Variants in PCDHGA11 observed in about 807,000 individuals in gnomAD.
PCDHGA11 encodes protocadherin gamma-A11.
In PCDHGA11, 39 loss-of-function variants were observed where a neutral mutation model predicts 60.4. The observed-to-expected ratio is 0.65, with a 90% CI of 0.50 to 0.84. PCDHGA11 has a LOEUF of 0.84. Among genes scored for constraint, PCDHGA11 ranks in the 40% least tolerant of loss-of-function variants. The pLI is 0.00. For missense variants in PCDHGA11, 1,165 were observed against 1,197.7 expected (o/e 0.97, Z 0.40); for synonymous variants, 533 against 510.3 (o/e 1.04, Z -0.60).
rs1369501221 is a variant in PCDHGA11 at position 141,493,257 on chromosome 5, A to G, written c.2434-1550A>G. On this transcript the variant is annotated intron_variant, in intron 1 of 3. Coordinates refer to ENST00000398587, the MANE Select transcript of PCDHGA11 (RefSeq NM_018914.3). The surrounding 1 kb of genome is among the most constrained non-coding windows in gnomAD (Gnocchi z 4.3). ...GGCTAGGTACTAACATGCCTCTCTT[A>G]TAACAGCTTCACAGAGGTCAAGTGA... Among the ~76,000 whole-genome samples the G allele has an allele frequency of 6.6e-6, 1 of 152,190 alleles. No individual in the cohort carries two copies. Among genetic ancestry groups the G allele is most frequent in the South Asian group, 2.1e-4 (1 of 4,830 alleles).
chr5:141,500,184 T>TTTTATTTA (rs58019021), intron 2 of PCDHGA11, among the ~76,000 whole-genome samples: 1,392 of 135,954 alleles, frequency 0.01, 12 homozygotes, highest in South Asian at 0.02. Flanking sequence ...TCATTTTTAT[T>TTTTATTTA]TTTATTTATT....
chr5:141,469,296 A>T (rs2099196287), intron 1 of PCDHGA11, among the ~76,000 whole-genome samples: 1 of 149,742 alleles, frequency 6.7e-6, no homozygotes, highest in Non-Finnish European at 1.5e-5. Context: ...AACAAAATAG[A>T]CTGGGCACGA....
At chr5:141,501,997 C>A (rs2099812238) in intron 2 of PCDHGA11, among the ~76,000 whole-genome samples, 1 of 152,128 alleles carries the variant, frequency 6.6e-6, no homozygotes, top group Non-Finnish European at 1.5e-5. Context: ...GTCTCCCTGA[C>A]AACCCGCATG....
chr5:141,457,694 C>T (rs891323419), intron 1 of PCDHGA11, among the ~76,000 whole-genome samples: 4 of 152,214 alleles, frequency 2.6e-5, no homozygotes, highest in Non-Finnish European at 5.9e-5. Context: ...TTTGGATTGG[C>T]TTTGATGAAA....
intron 1 of PCDHGA11, chr5:141,424,079 C>A: frequency 3.1e-6 from 3 of 973,190 alleles, no homozygotes; most frequent in African/African-American, 1.8e-5. Context: ...TAGTTATATT[C>A]CACCATTATT....
chr5:141,432,692 G>A lies in PCDHGA11; in HGVS notation c.2433+9032G>A. The A allele has an allele frequency of 6.2e-7, 1 of 1,613,964 alleles. No homozygotes were observed. Among genetic ancestry groups the A allele is most frequent in the Non-Finnish European group, 8.5e-7 (1 of 1,179,978 alleles). On this transcript the variant is annotated intron_variant, in intron 1 of 3. Transcript: ENST00000398587. The surrounding 1 kb of genome is among the most constrained non-coding windows in gnomAD (Gnocchi z 6.0). ...CGCGCTCAAGCAGAGCCTCGTAGTG[G>A]CCGTCCAGGACCACGGCCAGCCCCC...
chr5:141,470,911 G>C (rs1208467445), intron 1 of PCDHGA11, among the ~76,000 whole-genome samples: 1 of 151,916 alleles, frequency 6.6e-6, no homozygotes, highest in African/African-American at 2.4e-5. Context: ...AGATGGGACT[G>C]TCCCTATGTT....
intron 1 of PCDHGA11, among the ~76,000 whole-genome samples, chr5:141,456,911 C>T (rs1262649726): frequency 2.0e-5 from 3 of 151,928 alleles, no homozygotes; most frequent in Non-Finnish European, 4.4e-5. Flanking sequence ...TGCAGTGAGC[C>T]GAGATCGCAC....
rs2099701571 is a variant in PCDHGA11, at chr5:141,490,550, A to G, written c.2434-4257A>G. On this transcript the variant is annotated intron_variant, in intron 1 of 3. Coordinates refer to ENST00000398587, the MANE Select transcript of PCDHGA11 (RefSeq NM_018914.3). This position sits in a 1 kb window ranked among gnomAD's most constrained non-coding sequence, Gnocchi z 5.4. ...GCTGGTTCACCTTCCCTACACAAACATCTCACCATCAGGCTCAACATTTCA... is the reference window on the plus strand; with the variant it reads ...GCTGGTTCACCTTCCCTACACAAACGTCTCACCATCAGGCTCAACATTTCA... 1 of 1,614,092 alleles carries G rather than the reference A, an allele frequency of 6.2e-7. No individual in the cohort carries two copies.
chr5:141,486,644 T>G lies in PCDHGA11; in HGVS notation c.2434-8163T>G, dbSNP rs765487821. ...AGACTCTGGCTTGAATGCGCTTATC[T>G]CCTACTCACTCCTGGAGCCCAGGAA... On this transcript the variant is annotated intron_variant, in intron 1 of 3. Transcript: ENST00000398587. This position sits in a 1 kb window ranked among gnomAD's most constrained non-coding sequence, Gnocchi z 5.0. 9.3e-6 allele frequency: 15 copies of G among 1,613,722 alleles called. 2 individuals carry two copies. The Middle Eastern group carries it at 6.6e-4, about 71-fold the overall frequency.
chr5:141,504,242 GTTC>G (rs903218038), intron 2 of PCDHGA11, among the ~76,000 whole-genome samples: 25 of 152,170 alleles, frequency 1.6e-4, no homozygotes, highest in African/African-American at 5.1e-4. Context: ...GAAGCAGAGA[GTTC>G]TTCTTATGGT....
At chr5:141,425,717 C>G (rs1207360676) in intron 1 of PCDHGA11, among the ~76,000 whole-genome samples, 1 of 152,188 alleles carries the variant, frequency 6.6e-6, no homozygotes, top group African/African-American at 2.4e-5. Context: ...TTTTCCCATA[C>G]CACTTGATGG....
At position 141,491,346 on chromosome 5, in the gene PCDHGA11, T is replaced by A. The variant is rs760843553; in HGVS notation, c.2434-3461T>A. ...TCATTGTGGCTCTAGCGACCGTCAG[T>A]CTCTTATCCCTAGTCACCTTCACCT... On this transcript the variant is annotated intron_variant, in intron 1 of 3. Coordinates refer to ENST00000398587, the MANE Select transcript of PCDHGA11 (RefSeq NM_018914.3). This position sits in a 1 kb window ranked among gnomAD's most constrained non-coding sequence, Gnocchi z 6.9. The A allele has an allele frequency of 6.2e-7, 1 of 1,614,088 alleles. No individual in the cohort carries two copies. The highest frequency in any genetic ancestry group is 1.1e-5 in the South Asian group (1 of 91,080).
In PCDHGA11 at chr5:141,423,557, G is replaced by C; in HGVS notation, c.2330G>C (p.Gly777Ala). ...CTGATTTTCCCCCAGCCCAACTATG[G>C]GGACACGCTCATCAGCCAGGAGAGC... ...SHLIFPQPNY[G>A]DTLISQESCE... Residue 777 changes from glycine to alanine, a missense_variant, in exon 1 of 4, where the codon GGG (glycine) becomes GCG (alanine). Gly to Ala is a moderately conservative substitution (Grantham distance 60). Coordinates refer to ENST00000398587, the MANE Select transcript of PCDHGA11 (RefSeq NM_018914.3). The C allele has an allele frequency of 1.2e-6, 2 of 1,613,654 alleles. No homozygotes were observed. The highest frequency in any genetic ancestry group is 1.7e-6 in the Non-Finnish European group (2 of 1,179,732).
intron 1 of PCDHGA11, chr5:141,484,911 T>G (rs2154580253): frequency 9.3e-6 from 4 of 432,018 alleles, no homozygotes; most frequent in South Asian, 3.3e-5. Context: ...CTGCGACGCA[T>G]TAACCCTGCT....
Position 141,490,198 on chromosome 5 carries a change from G to A in PCDHGA11, c.2434-4609G>A. ...GGAGTCACGTTTCTATGAAATTCAT[G>A]CAAGAGCCCGTGACCAGGGACAGCC... On this transcript the variant is annotated intron_variant, in intron 1 of 3. Coordinates refer to ENST00000398587, the MANE Select transcript of PCDHGA11 (RefSeq NM_018914.3). The surrounding 1 kb of genome is among the most constrained non-coding windows in gnomAD (Gnocchi z 5.4). The A allele has an allele frequency of 6.2e-7, 1 of 1,614,208 alleles. No homozygotes were observed. Among genetic ancestry groups the A allele is most frequent in the Non-Finnish European group, 8.5e-7 (1 of 1,180,038 alleles).
intron 1 of PCDHGA11, among the ~76,000 whole-genome samples, chr5:141,448,196 A>G (rs753761675): frequency 1.3e-5 from 2 of 152,176 alleles, no homozygotes; most frequent in Non-Finnish European, 2.9e-5. Context: ...TACACTTACA[A>G]ACATTTTCTG....
At chr5:141,501,013 C>T (rs1456343329) in intron 2 of PCDHGA11, among the ~76,000 whole-genome samples, 2 of 151,970 alleles carry the variant, frequency 1.3e-5, no homozygotes, top group Non-Finnish European at 2.9e-5. Context: ...GGACTACAGG[C>T]ACGCGCCACC....
At chr5:141,424,036 C>T (rs2096796408) in intron 1 of PCDHGA11, 1 of 1,029,488 alleles carries the variant, frequency 9.7e-7, no homozygotes, top group Non-Finnish European at 1.2e-6. Flanking sequence ...CTTTTTATTT[C>T]CATTTCAATT....
Sources: gnomAD v4.1 joint callset for allele counts (sites outside exome capture counted in the v4.1 genomes callset) on GRCh38, gnomAD v4.1.1 for gene constraint, Gnocchi (gnomAD v3.1) non-coding constraint, MANE v1.5 for transcripts, NCBI Gene and HGNC (gene_info 2026-07-23, HGNC 2026-07-21) for gene names.